The following VTI1A variants were observed in gnomAD, a reference collection of about 807,000 sequenced individuals.
VTI1A encodes the protein vesicle transport through interaction with t-SNAREs homolog 1A.
VTI1A carries 22 observed loss-of-function variants against 34.9 expected under a neutral mutation model. The ratio of observed to expected loss-of-function variants is 0.63; its 90% confidence interval spans 0.45 to 0.90. The LOEUF (loss-of-function observed/expected upper bound fraction) is 0.90, where lower values mean the gene tolerates loss of function less well. Ranked by LOEUF, VTI1A falls within the 40% of genes least tolerant of loss-of-function variation. The pLI, the probability that VTI1A is intolerant of heterozygous loss-of-function variation, is 0.00. For synonymous variants in VTI1A, 87 were observed against 97.3 expected, an observed-to-expected ratio of 0.89 and a Z score of 0.62; for missense variants, 268 against 275.6, an observed-to-expected ratio of 0.97 and a Z score of 0.20.
chr10:112,479,986 A>G (rs527989442), intron 3 of VTI1A, among the ~76,000 whole-genome samples: 1 of 152,350 alleles, frequency 6.6e-6, no homozygotes, highest in Admixed American at 6.5e-5. Context: ...TTCTAAAAGT[A>G]TCTGTTAAAT....
intron 5 of VTI1A, among the ~76,000 whole-genome samples, chr10:112,615,263 G>A (rs765817732): frequency 3.9e-5 from 6 of 152,198 alleles, no homozygotes; most frequent in Non-Finnish European, 8.8e-5. Flanking sequence ...CAAGGGCAAG[G>A]TTTTTCTGAG....
intron 7 of VTI1A, among the ~76,000 whole-genome samples, chr10:112,682,173 A>G (rs545902947): frequency 6.6e-6 from 1 of 152,346 alleles, no homozygotes; most frequent in Admixed American, 6.5e-5. Context: ...GAAATTGCAT[A>G]GATAAAGTAT....
At chr10:112,627,381 C>T (rs993823494) in intron 5 of VTI1A, among the ~76,000 whole-genome samples, 12 of 152,150 alleles carry the variant, frequency 7.9e-5, no homozygotes, top group African/African-American at 2.7e-4. Context: ...ATAGGTTCAG[C>T]AAACCCTAGT....
intron 7 of VTI1A, among the ~76,000 whole-genome samples, chr10:112,807,384 A>G (rs2134082377): frequency 6.6e-6 from 1 of 152,262 alleles, no homozygotes; most frequent in South Asian, 2.1e-4. Context: ...CCAAAAGTGT[A>G]AGGGAAGAAT....
At chr10:112,493,325 G>T (rs1329292071) in intron 3 of VTI1A, among the ~76,000 whole-genome samples, 1 of 151,716 alleles carries the variant, frequency 6.6e-6, no homozygotes, top group Non-Finnish European at 1.5e-5. Flanking sequence ...CTGCAACCTT[G>T]CTGAACCCTT....
chr10:112,582,196 T>C lies in VTI1A; in HGVS notation c.427+43866T>C, dbSNP rs150600172. Among the ~76,000 whole-genome samples, 1,249 of 152,092 alleles carry C rather than the reference T, an allele frequency of 8.2e-3. 16 individuals carry two copies. Among genetic ancestry groups the C allele is most frequent in the African/African-American group, 0.028 (1,155 of 41,490 alleles). Reference sequence around the variant, plus strand: ...GCTGTCTTCTTGCTCTGTCGTGGAGTTAGAAAGAGAGAGAAGGACACTCTC... The same window carrying C: ...GCTGTCTTCTTGCTCTGTCGTGGAGCTAGAAAGAGAGAGAAGGACACTCTC... On this transcript the variant is annotated intron_variant, in intron 5 of 7. Coordinates refer to ENST00000393077, the MANE Select transcript of VTI1A (RefSeq NM_145206.4).
intron 3 of VTI1A, among the ~76,000 whole-genome samples, chr10:112,471,513 TG>T (rs1419190035): frequency 1.3e-5 from 2 of 151,958 alleles, no homozygotes; most frequent in Non-Finnish European, 2.9e-5. Context: ...AATGGAGGAC[TG>T]AGGAGACCAA....
At chr10:112,737,643 G>C in intron 7 of VTI1A, 2 of 1,050,478 alleles carry the variant, frequency 1.9e-6, no homozygotes, top group Non-Finnish European at 2.3e-6. Context: ...GAAACACAGG[G>C]GTACCTCAAA....
chr10:112,738,000 G>A, intron 7 of VTI1A: 2 of 578,424 alleles, frequency 3.5e-6, no homozygotes, highest in Non-Finnish European at 2.2e-6. Flanking sequence ...AGATCAAGAT[G>A]AGTGTCTTGT....
chr10:112,471,801 GA>G (rs112572299), intron 3 of VTI1A, among the ~76,000 whole-genome samples: 24,613 of 146,500 alleles, frequency 0.17, 2,339 homozygotes, highest in African/African-American at 0.27. Flanking sequence ...CAGCCAAGAG[GA>G]AAAAAAAAAA....
At chr10:112,542,827 C>T (rs1850918015) in intron 5 of VTI1A, among the ~76,000 whole-genome samples, 1 of 152,140 alleles carries the variant, frequency 6.6e-6, no homozygotes, top group Non-Finnish European at 1.5e-5. Context: ...TCCCTCCCCA[C>T]TCTCCCCACC....
In VTI1A at chr10:112,737,304, G is replaced by A. The variant is rs146326898; in HGVS notation, c.560+68306G>A. The stretch of plus-strand genomic sequence containing the variant: ...TCACCATGTTGGCCAGGATGGTCTC[G>A]ATCTCTTAACCTTGTGAGCCACCGT... On this transcript the variant is annotated intron_variant, in intron 7 of 7. Transcript: ENST00000393077. 4.0e-3 allele frequency: 4,102 copies of A among 1,012,960 alleles called. 129 individuals carry two copies. In the African/African-American group the frequency reaches 0.065, roughly 16 times the overall value. The allele number at this position is 1,012,960 out of a possible 1,614,324, so 62.7% of individuals were successfully genotyped here. A position where few individuals can be genotyped will look rare whatever the true frequency, so the allele number is the denominator to read the frequency against.
At chr10:112,691,301 A>T (rs867996842) in intron 7 of VTI1A, among the ~76,000 whole-genome samples, 3 of 151,280 alleles carry the variant, frequency 2.0e-5, no homozygotes, top group Admixed American at 2.0e-4. Context: ...AAATAAATAA[A>T]TAAATGAAAG....
chr10:112,644,131 C>T (rs1434059710), intron 5 of VTI1A, among the ~76,000 whole-genome samples: 1 of 152,178 alleles, frequency 6.6e-6, no homozygotes, highest in Non-Finnish European at 1.5e-5. Context: ...CACCTGGCAA[C>T]CCAGCACGGA....
In VTI1A at chr10:112,812,538, C is replaced by T. The variant is rs115589815; in HGVS notation, c.561-2752C>T. On this transcript the variant is annotated intron_variant, in intron 7 of 7. Coordinates refer to ENST00000393077, the MANE Select transcript of VTI1A (RefSeq NM_145206.4). ...GCCCACCAATGCCAGCCTGTATTTC[C>T]CCCTTCCAAACTGGCTCAGTCCTAT... Among the ~76,000 whole-genome samples, 1,054 of 152,288 alleles carry T rather than the reference C, an allele frequency of 6.9e-3. 14 individuals are homozygous for T. Among genetic ancestry groups the T allele is most frequent in the African/African-American group, 0.025 (1,023 of 41,548 alleles).
chr10:112,803,093 A>C (rs1852932452), intron 7 of VTI1A, among the ~76,000 whole-genome samples: 1 of 152,002 alleles, frequency 6.6e-6, no homozygotes, highest in Admixed American at 6.6e-5. Context: ...TTTGAGACGA[A>C]GTTTCGCTCT....
At chr10:112,751,224 G>A (rs1215413034) in intron 7 of VTI1A, among the ~76,000 whole-genome samples, 1 of 152,134 alleles carries the variant, frequency 6.6e-6, no homozygotes, top group African/African-American at 2.4e-5. Flanking sequence ...GATTTAAGAG[G>A]ACAGAATTAA....
intron 7 of VTI1A, among the ~76,000 whole-genome samples, chr10:112,699,960 A>C (rs1408878948): frequency 2.6e-5 from 4 of 151,836 alleles, no homozygotes; most frequent in South Asian, 2.1e-4. Flanking sequence ...CTCTATTAAA[A>C]ATACAAAAAT....
At chr10:112,751,108 G>C (rs1036536163) in intron 7 of VTI1A, among the ~76,000 whole-genome samples, 2 of 152,154 alleles carry the variant, frequency 1.3e-5, no homozygotes, top group Admixed American at 1.3e-4. Flanking sequence ...TGTAAATGTG[G>C]ATATGAAGGT....
Sources: allele counts gnomAD v4.1 joint callset (sites outside exome capture counted in the v4.1 genomes callset), GRCh38; gene constraint gnomAD v4.1.1; transcripts MANE v1.5; gene names NCBI Gene and HGNC (gene_info 2026-07-23, HGNC 2026-07-21).